TJP1: variants seen among roughly 807,000 people sequenced by gnomAD.
TJP1 encodes the protein tight junction protein 1, also known as tight junction protein ZO-1.
In TJP1, 43 loss-of-function variants were observed where a neutral mutation model predicts 194.2. That is an observed-to-expected ratio of 0.22 (90% CI 0.17 to 0.29). The LOEUF (loss-of-function observed/expected upper bound fraction) is 0.29. Among genes scored for constraint, TJP1 ranks in the 10% least tolerant of loss-of-function variants. The probability of loss-of-function intolerance (pLI) is 1.00; values close to 1 mark genes in which losing one functional copy is unlikely to be tolerated. For synonymous variants in TJP1, 801 were observed against 779.0 expected (o/e 1.03, Z -0.47); for missense variants, 1,971 against 2,185.7 (o/e 0.90, Z 1.96).
chr15:29,968,263 C>T (rs2056397487), intron 1 of TJP1: 1 of 985,210 alleles, frequency 1.0e-6, no homozygotes, highest in Non-Finnish European at 1.2e-6. Context: ...AAACGCACAC[C>T]GTGATACCAA....
In TJP1 at chr15:29,730,876, G is replaced by A. The variant is rs533700832; in HGVS notation, c.2017+1557C>T. ...AAGAAGGGAGAGAAGGTACCCAAAG[G>A]GAAAAAGGGAAAAGCTGATGCTGGC... is the stretch of plus-strand genomic sequence containing the variant. On this transcript the variant is annotated intron_variant, in intron 15 of 27. Transcript: ENST00000614355. The A allele has an allele frequency of 6.5e-6, 8 of 1,238,884 alleles. No individual in the cohort carries two copies. The African/African-American group carries it at 7.4e-5, about 11-fold the overall frequency. The allele number at this position is 1,238,884 out of a possible 1,614,324, so 76.7% of individuals were successfully genotyped here. A position where few individuals can be genotyped will look rare whatever the true frequency, so the allele number is the denominator to read the frequency against.
intron 2 of TJP1, among the ~76,000 whole-genome samples, chr15:29,792,820 T>C (rs1476412744): frequency 6.6e-6 from 1 of 152,228 alleles, no homozygotes; most frequent in African/African-American, 2.4e-5. Flanking sequence ...GTAGAAATCT[T>C]TCACTTCTTT....
intron 8 of TJP1, among the ~76,000 whole-genome samples, chr15:29,751,910 C>T (rs8038593): frequency 0.033 from 4,941 of 151,948 alleles, 274 homozygotes; most frequent in African/African-American, 0.11. Context: ...AAACTTTATA[C>T]TTTTACTTTT....
chr15:29,782,342 G>C (rs1567017340), intron 2 of TJP1, among the ~76,000 whole-genome samples: 1 of 152,074 alleles, frequency 6.6e-6, no homozygotes, highest in Non-Finnish European at 1.5e-5. Context: ...CTGTAACAAA[G>C]ACAGACACAC....
At chr15:29,928,124 A>G (rs965986730) in intron 2 of TJP1, among the ~76,000 whole-genome samples, 2 of 152,162 alleles carry the variant, frequency 1.3e-5, no homozygotes, top group African/African-American at 4.8e-5. Context: ...GAAAAAAAAA[A>G]CCACTAGTAG....
chr15:29,849,745 CAAA>C (rs564053758), intron 2 of TJP1, among the ~76,000 whole-genome samples: 5 of 106,624 alleles, frequency 4.7e-5, no homozygotes, highest in Non-Finnish European at 7.9e-5. Flanking sequence ...GACTCCGTCT[CAAA>C]AAAAAAAAAA....
chr15:29,711,412 C>G (rs2042236295), intron 23 of TJP1, among the ~76,000 whole-genome samples: 1 of 152,202 alleles, frequency 6.6e-6, no homozygotes, highest in African/African-American at 2.4e-5. Context: ...GTCGCCCAGA[C>G]TGGAGTGCAG....
intron 2 of TJP1, among the ~76,000 whole-genome samples, chr15:29,907,022 T>C (rs967903265): frequency 6.6e-6 from 1 of 152,212 alleles, no homozygotes; most frequent in Non-Finnish European, 1.5e-5. Context: ...TATCTAACAA[T>C]TGGTGAATCT....
intron 2 of TJP1, among the ~76,000 whole-genome samples, chr15:29,777,138 C>T (rs1023589000): frequency 2.6e-5 from 4 of 152,098 alleles, no homozygotes; most frequent in Non-Finnish European, 4.4e-5. Context: ...CTACTGAAAA[C>T]GTGTGTATTC....
At chr15:29,954,790 T>A (rs1226998091) in intron 2 of TJP1, among the ~76,000 whole-genome samples, 1 of 152,130 alleles carries the variant, frequency 6.6e-6, no homozygotes, top group African/African-American at 2.4e-5. Context: ...GTAAAAAAAA[T>A]AGAGTATTGG....
intron 2 of TJP1, among the ~76,000 whole-genome samples, chr15:29,852,596 T>TA (rs753392668): frequency 2.0e-5 from 3 of 152,188 alleles, no homozygotes; most frequent in Non-Finnish European, 2.9e-5. Context: ...ATTGCACTCT[T>TA]AGGCATTTAT....
intron 4 of TJP1, among the ~76,000 whole-genome samples, chr15:29,771,500 T>C (rs1253552365): frequency 6.6e-6 from 1 of 152,060 alleles, no homozygotes; most frequent in Non-Finnish European, 1.5e-5. Context: ...GAGGAAACAT[T>C]AAGCCAAAAA....
In TJP1 at chr15:29,799,517, C is replaced by T. The variant is rs537590838; in HGVS notation, c.84+1129G>A. 5.9e-5 allele frequency among the ~76,000 whole-genome samples: 9 copies of T among 151,898 alleles called. No homozygotes were observed. In the East Asian group the frequency reaches 1.8e-3, roughly 30 times the overall value. On this transcript the variant is annotated intron_variant, in intron 2 of 27. Transcript: ENST00000614355. Reference sequence around the variant, plus strand: ...GCAAGCTCTGCCTCCTGGGTTCACGCCATTCTCCCGCCTCAGCCTCCCGAG... The same window carrying T: ...GCAAGCTCTGCCTCCTGGGTTCACGTCATTCTCCCGCCTCAGCCTCCCGAG...
At chr15:29,962,055 G>A (rs1464884959) in intron 1 of TJP1, among the ~76,000 whole-genome samples, 1 of 152,200 alleles carries the variant, frequency 6.6e-6, no homozygotes, top group African/African-American at 2.4e-5. Context: ...GCTGGCTACA[G>A]GCCAAATGTG....
At chr15:29,738,750 G>C (rs1351695610) in intron 10 of TJP1, among the ~76,000 whole-genome samples, 1 of 151,752 alleles carries the variant, frequency 6.6e-6, no homozygotes, top group Admixed American at 6.6e-5. Context: ...GTCTCAGTTG[G>C]GTGTGGCAGC....
At chr15:29,887,480 A>T (rs1015886955) in intron 2 of TJP1, among the ~76,000 whole-genome samples, 71 of 151,708 alleles carry the variant, frequency 4.7e-4, no homozygotes, top group African/African-American at 1.5e-3. Flanking sequence ...TTTGTATTTT[A>T]AATAGAAATG....
intron 2 of TJP1, among the ~76,000 whole-genome samples, chr15:29,932,779 A>G (rs1042687590): frequency 6.6e-6 from 1 of 152,168 alleles, no homozygotes; most frequent in African/African-American, 2.4e-5. Context: ...TATTTTCAAA[A>G]GTATGAAAAG....
intron 1 of TJP1, among the ~76,000 whole-genome samples, chr15:29,960,126 T>G (rs1375617855): frequency 6.6e-6 from 1 of 152,226 alleles, no homozygotes; most frequent in East Asian, 1.9e-4. Context: ...TAAGTTTTTC[T>G]CTCATCTGAC....
chr15:29,884,546 C>G (rs1267217337), intron 2 of TJP1, among the ~76,000 whole-genome samples: 1 of 152,198 alleles, frequency 6.6e-6, no homozygotes, highest in Non-Finnish European at 1.5e-5. Flanking sequence ...AGTAAAAATA[C>G]CACACTGCTC....
Sources: gnomAD v4.1 joint callset for allele counts (sites outside exome capture counted in the v4.1 genomes callset) on GRCh38, gnomAD v4.1.1 for gene constraint, MANE v1.5 for transcripts, NCBI Gene and HGNC (gene_info 2026-07-23, HGNC 2026-07-21) for gene names.